Variants in ZNF385D observed in about 807,000 individuals in gnomAD.
ZNF385D encodes the protein zinc finger protein 659.
Under a neutral mutation model 35.8 loss-of-function variants are expected in ZNF385D, and 15 were observed. That is an observed-to-expected ratio of 0.42 (90% CI 0.28 to 0.64). The LOEUF (loss-of-function observed/expected upper bound fraction) is 0.64, where lower values mean the gene tolerates loss of function less well. Among genes scored for constraint, ZNF385D ranks in the 30% least tolerant of loss-of-function variants. The pLI is 0.23. For missense variants in ZNF385D, 474 were observed against 494.6 expected (o/e 0.96, Z 0.39); for synonymous variants, 212 against 186.8 (o/e 1.13, Z -1.10).
intron 2 of ZNF385D, among the ~76,000 whole-genome samples, chr3:22,323,558 G>C (rs973631090): frequency 6.6e-6 from 1 of 152,006 alleles, no homozygotes; most frequent in Non-Finnish European, 1.5e-5. Flanking sequence ...AGGCTAAAGG[G>C]GAATTTAGCT....
intron 5 of ZNF385D, among the ~76,000 whole-genome samples, chr3:21,433,044 AAG>A (rs1439562201): frequency 6.6e-6 from 1 of 152,140 alleles, no homozygotes; most frequent in Non-Finnish European, 1.5e-5. Flanking sequence ...GAGAAAGAGA[AAG>A]AGAGATAGAA....
chr3:22,164,404 T>A (rs994216967), intron 3 of ZNF385D, among the ~76,000 whole-genome samples: 1 of 151,648 alleles, frequency 6.6e-6, no homozygotes, highest in East Asian at 1.9e-4. Flanking sequence ...AATTTTTGTA[T>A]TTTTAGTAGA....
intron 3 of ZNF385D, among the ~76,000 whole-genome samples, chr3:21,996,006 T>C (rs1483202747): frequency 6.6e-6 from 1 of 152,050 alleles, no homozygotes; most frequent in East Asian, 1.9e-4. Flanking sequence ...CCTGCAGCCC[T>C]TTGGGTGGAC....
intron 3 of ZNF385D, among the ~76,000 whole-genome samples, chr3:21,965,152 T>C (rs182868740): frequency 1.1e-4 from 16 of 152,298 alleles, no homozygotes; most frequent in African/African-American, 3.6e-4. Context: ...GAGCTTAGAA[T>C]TGCAAATTAA....
intron 3 of ZNF385D, among the ~76,000 whole-genome samples, chr3:21,997,064 ATTT>A (rs748690048): frequency 6.6e-6 from 1 of 151,922 alleles, no homozygotes; most frequent in Non-Finnish European, 1.5e-5. Flanking sequence ...AAAAACTGTG[ATTT>A]TTTTTCAATA....
rs571879218 is a variant in ZNF385D at position 22,124,361 on chromosome 3, G to A, written c.325+44456C>T. On this transcript the variant is annotated intron_variant, in intron 3 of 5. Transcript: ENST00000494108. Reference sequence around the variant, plus strand: ...ACACTTAGGTTGATTCCAATTCATAGCTATTATAAATACTGCTGCAAAAAT... The same window carrying A: ...ACACTTAGGTTGATTCCAATTCATAACTATTATAAATACTGCTGCAAAAAT... 3.5e-4 allele frequency among the ~76,000 whole-genome samples: 54 copies of A among 152,156 alleles called. No homozygotes were observed. The South Asian group carries it at 0.011, about 31-fold the overall frequency.
At chr3:22,029,496 A>T (rs972166102) in intron 3 of ZNF385D, among the ~76,000 whole-genome samples, 1 of 152,234 alleles carries the variant, frequency 6.6e-6, no homozygotes, top group African/African-American at 2.4e-5. Context: ...AACACAGAAT[A>T]AATAGTAGAT....
chr3:22,328,310 T>A (rs1030792651), intron 2 of ZNF385D, among the ~76,000 whole-genome samples: 1 of 152,106 alleles, frequency 6.6e-6, no homozygotes, highest in African/African-American at 2.4e-5. Context: ...CATTTTCTTT[T>A]GATTTAGGGA....
At chr3:21,851,146 A>T (rs1449215383) in intron 3 of ZNF385D, among the ~76,000 whole-genome samples, 1 of 152,028 alleles carries the variant, frequency 6.6e-6, no homozygotes, top group African/African-American at 2.4e-5. Flanking sequence ...AAAGTACATT[A>T]AAAAAGAACC....
chr3:21,455,796 A>G (rs1702769068), intron 4 of ZNF385D, among the ~76,000 whole-genome samples: 1 of 152,230 alleles, frequency 6.6e-6, no homozygotes, highest in African/African-American at 2.4e-5. Context: ...ATCAGAGTGA[A>G]CAGGCAACCT....
chr3:21,984,960 C>A (rs1694723782), intron 3 of ZNF385D, among the ~76,000 whole-genome samples: 1 of 151,238 alleles, frequency 6.6e-6, no homozygotes, highest in Non-Finnish European at 1.5e-5. Context: ...TGATTTGGCT[C>A]TCTGTTTGTC....
chr3:21,963,174 G>C (rs1702693579), intron 3 of ZNF385D, among the ~76,000 whole-genome samples: 1 of 152,138 alleles, frequency 6.6e-6, no homozygotes, highest in East Asian at 1.9e-4. Context: ...TAAAGCTGAA[G>C]CAAACCGGAT....
chr3:21,634,398 AGAAAG>A (rs1189938428), intron 2 of ZNF385D, among the ~76,000 whole-genome samples: 1 of 151,994 alleles, frequency 6.6e-6, no homozygotes, highest in African/African-American at 2.4e-5. Context: ...ACGAAAGAGA[AGAAAG>A]GGAAAGGGAA....
intron 2 of ZNF385D, among the ~76,000 whole-genome samples, chr3:22,244,114 C>CA (rs1699638321): frequency 6.6e-6 from 1 of 150,540 alleles, no homozygotes; most frequent in Non-Finnish European, 1.5e-5. Context: ...TGAACCTCTA[C>CA]AAAATCTACA....
At chr3:21,682,313 A>G (rs1290296604) in intron 1 of ZNF385D, among the ~76,000 whole-genome samples, 1 of 150,572 alleles carries the variant, frequency 6.6e-6, no homozygotes, top group Non-Finnish European at 1.5e-5. Flanking sequence ...AAATAGCCAA[A>G]GCAGAGAGAC....
intron 3 of ZNF385D, among the ~76,000 whole-genome samples, chr3:22,138,179 A>C (rs1343151722): frequency 1.3e-5 from 2 of 152,144 alleles, no homozygotes; most frequent in South Asian, 4.1e-4. Flanking sequence ...ATACAAACAA[A>C]TGGAAGAACA....
At chr3:21,477,245 C>A (rs1559329664) in intron 4 of ZNF385D, among the ~76,000 whole-genome samples, 3 of 151,902 alleles carry the variant, frequency 2.0e-5, no homozygotes. Flanking sequence ...TAAAACAAAA[C>A]AAAACTAAAC....
intron 3 of ZNF385D, among the ~76,000 whole-genome samples, chr3:22,078,668 A>G (rs1193141772): frequency 1.3e-5 from 2 of 152,044 alleles, no homozygotes; most frequent in African/African-American, 4.8e-5. Context: ...AGGTGATGGC[A>G]ATCAGTGTGT....
intron 3 of ZNF385D, among the ~76,000 whole-genome samples, chr3:21,932,065 G>A (rs1409281507): frequency 6.6e-6 from 1 of 150,752 alleles, no homozygotes; most frequent in Non-Finnish European, 1.5e-5. Flanking sequence ...TACTCGGGAG[G>A]CTGAGGCAGG....
Sources: allele counts gnomAD v4.1 joint callset (sites outside exome capture counted in the v4.1 genomes callset), GRCh38; gene constraint gnomAD v4.1.1; transcripts MANE v1.5; gene names NCBI Gene and HGNC (gene_info 2026-07-23, HGNC 2026-07-21).